AUTS2: variants seen among roughly 807,000 people sequenced by gnomAD.
AUTS2 encodes autism susceptibility gene 2 protein.
AUTS2 carries 17 observed loss-of-function variants against 112.4 expected under a neutral mutation model. The ratio of observed to expected loss-of-function variants is 0.15; its 90% confidence interval spans 0.10 to 0.23. The LOEUF is 0.23. Among genes scored for constraint, AUTS2 ranks in the 10% least tolerant of loss-of-function variants. The pLI, the probability that AUTS2 is intolerant of heterozygous loss-of-function variation, is 1.00. For missense variants in AUTS2, 1,510 were observed against 1,701.6 expected (o/e 0.89, Z 1.98); for synonymous variants, 751 against 702.7 (o/e 1.07, Z -1.09).
At chr7:70,626,250 A>G (rs7790577) in intron 5 of AUTS2, among the ~76,000 whole-genome samples, 131,615 of 150,852 alleles carry the variant, frequency 0.87, 57,672 homozygotes, top group African/African-American at 0.96. Context: ...ATGTCCAGGT[A>G]TGGTGGCTCA....
intron 3 of AUTS2, among the ~76,000 whole-genome samples, chr7:70,129,437 A>G (rs1806151119): frequency 6.6e-6 from 1 of 152,228 alleles, no homozygotes; most frequent in African/African-American, 2.4e-5. Context: ...TAAAAACATC[A>G]TCACAGAAAC....
intron 1 of AUTS2, among the ~76,000 whole-genome samples, chr7:69,742,441 A>G (rs1197798652): frequency 5.3e-5 from 8 of 152,156 alleles, no homozygotes; most frequent in African/African-American, 1.7e-4. Context: ...TATGCTTGGC[A>G]TGTTTGCTCT....
chr7:70,464,618 G>C (rs987289475), intron 5 of AUTS2, among the ~76,000 whole-genome samples: 2 of 152,108 alleles, frequency 1.3e-5, no homozygotes, highest in Non-Finnish European at 2.9e-5. Flanking sequence ...ACCCAGAGTT[G>C]TCCCAAGAGA....
chr7:69,617,138 A>G (rs927678011), intron 1 of AUTS2, among the ~76,000 whole-genome samples: 2 of 152,186 alleles, frequency 1.3e-5, no homozygotes, highest in Admixed American at 6.5e-5. Context: ...AACTTAGCAC[A>G]GCAGGTCCTC....
chr7:70,250,193 A>G (rs1182443755), intron 4 of AUTS2, among the ~76,000 whole-genome samples: 2 of 152,102 alleles, frequency 1.3e-5, no homozygotes, highest in Non-Finnish European at 2.9e-5. Flanking sequence ...TAATTGGGTA[A>G]CACCATCTCC....
rs979968082 is a variant in AUTS2 at position 70,697,561 on chromosome 7, C to CCG, written c.691-1007_691-1006insGC. Among the ~76,000 whole-genome samples, 325 of 11,758 alleles carry CCG rather than the reference C, an allele frequency of 0.028. 3 individuals are homozygous for CCG. The Middle Eastern group carries it at 0.3, about 11-fold the overall frequency. 7.7% of individuals were successfully genotyped at this position (11,758 alleles called of 152,430 possible). A position where few individuals can be genotyped will look rare whatever the true frequency, so the allele number is the denominator to read the frequency against. ...TCAAAATATGCTGCACTTCAGAATT[C>CCG]CCCCCCCCCATTTCCTATATTTCCT... On this transcript the variant is annotated intron_variant, in intron 5 of 18. Transcript: ENST00000342771.
chr7:69,714,064 A>T (rs1798464863), intron 1 of AUTS2, among the ~76,000 whole-genome samples: 1 of 145,452 alleles, frequency 6.9e-6, no homozygotes, highest in Non-Finnish European at 1.5e-5. Context: ...TATGGATTGA[A>T]TTTTTTTTTT....
chr7:69,623,379 C>A (rs1285737705), intron 1 of AUTS2, among the ~76,000 whole-genome samples: 6 of 59,158 alleles, frequency 1.0e-4, no homozygotes, highest in East Asian at 6.4e-4. Flanking sequence ...CCACGCCCAG[C>A]AATTTTTTTT....
At chr7:70,015,884 G>A (rs1339722374) in intron 2 of AUTS2, among the ~76,000 whole-genome samples, 2 of 148,338 alleles carry the variant, frequency 1.3e-5, no homozygotes, top group Admixed American at 1.4e-4. Context: ...GCTTATGCTT[G>A]TGCCTTGCAG....
intron 4 of AUTS2, among the ~76,000 whole-genome samples, chr7:70,228,309 T>G (rs1467480476): frequency 6.6e-6 from 1 of 151,992 alleles, no homozygotes; most frequent in Non-Finnish European, 1.5e-5. Context: ...AAACTTATTT[T>G]TGCATTTGTA....
At chr7:69,931,444 A>G (rs558040923) in intron 2 of AUTS2, among the ~76,000 whole-genome samples, 11 of 152,294 alleles carry the variant, frequency 7.2e-5, no homozygotes, top group African/African-American at 2.4e-4. Flanking sequence ...CTGTCAGAGA[A>G]TGAGCTCTTT....
At chr7:70,133,276 C>A (rs1054238905) in intron 3 of AUTS2, among the ~76,000 whole-genome samples, 17 of 152,200 alleles carry the variant, frequency 1.1e-4, no homozygotes, top group African/African-American at 4.1e-4. Flanking sequence ...AAGAGCTTAG[C>A]ATCAAGAAGA....
intron 6 of AUTS2, among the ~76,000 whole-genome samples, chr7:70,733,797 G>C (rs1787606444): frequency 6.6e-6 from 1 of 151,960 alleles, no homozygotes. Context: ...ATGTTGACCA[G>C]GCTGGTCTCA....
intron 5 of AUTS2, among the ~76,000 whole-genome samples, chr7:70,503,213 G>A (rs1374211563): frequency 6.6e-6 from 1 of 152,060 alleles, no homozygotes; most frequent in African/African-American, 2.4e-5. Flanking sequence ...CCCAAAAGAG[G>A]CACCTGACTG....
intron 1 of AUTS2, among the ~76,000 whole-genome samples, chr7:69,833,607 G>A (rs1233672651): frequency 6.6e-6 from 1 of 151,984 alleles, no homozygotes; most frequent in East Asian, 1.9e-4. Context: ...GCTAATTTTT[G>A]TACTTTTATT....
chr7:69,920,286 T>A (rs1795756644), intron 2 of AUTS2, among the ~76,000 whole-genome samples: 1 of 152,036 alleles, frequency 6.6e-6, no homozygotes. Context: ...CTGTCCTCTC[T>A]CTTTCTTTCT....
intron 1 of AUTS2, among the ~76,000 whole-genome samples, chr7:69,629,889 T>A (rs1473572761): frequency 6.6e-6 from 1 of 152,082 alleles, no homozygotes; most frequent in Non-Finnish European, 1.5e-5. Flanking sequence ...ACAGGATTTT[T>A]AAAATTTCAG....
At chr7:70,064,029 A>G (rs558628766) in intron 2 of AUTS2, among the ~76,000 whole-genome samples, 1 of 152,348 alleles carries the variant, frequency 6.6e-6, no homozygotes, top group South Asian at 2.1e-4. Context: ...GCGTCATTCT[A>G]TTACAGAAGA....
chr7:70,713,750 C>T (rs1810191728), intron 6 of AUTS2, among the ~76,000 whole-genome samples: 2 of 152,136 alleles, frequency 1.3e-5, no homozygotes. Context: ...AAGAAATTAG[C>T]CGGGCGTGGT....
Sources: allele counts gnomAD v4.1 joint callset (sites outside exome capture counted in the v4.1 genomes callset), GRCh38; gene constraint gnomAD v4.1.1; transcripts MANE v1.5; gene names NCBI Gene and HGNC (gene_info 2026-07-23, HGNC 2026-07-21).